SEC14L1: variants seen among roughly 807,000 people sequenced by gnomAD.
The protein encoded by SEC14L1 is SEC14 like lipid binding 1.
In SEC14L1, 48 loss-of-function variants were observed where a neutral mutation model predicts 85.3. The observed-to-expected ratio is 0.56, with a 90% confidence interval of 0.45 to 0.72. SEC14L1 has a LOEUF of 0.72. SEC14L1 is among the 30% of genes least tolerant of loss of function. SEC14L1 has a pLI of 0.00. For missense variants in SEC14L1, 682 were observed against 921.4 expected, an observed-to-expected ratio of 0.74 and a Z score of 3.36; for synonymous variants, 391 against 355.5, an observed-to-expected ratio of 1.10 and a Z score of -1.12.
intron 3 of SEC14L1, among the ~76,000 whole-genome samples, chr17:77,177,708 C>G (rs1412168027): frequency 6.6e-6 from 1 of 152,096 alleles, no homozygotes; most frequent in Admixed American, 6.5e-5. Flanking sequence ...CAAATGTAGA[C>G]ATGCTAGTGT....
rs371600242 is a variant in SEC14L1, at chr17:77,214,063, G to A, written c.*40G>A. The A allele has an allele frequency of 1.4e-4, 221 of 1,588,808 alleles. No homozygotes were observed. Among genetic ancestry groups the A allele is most frequent in the South Asian group, 3.9e-4 (34 of 88,274 alleles). On this transcript the variant is annotated 3_prime_UTR_variant, in exon 17 of 17. Coordinates refer to ENST00000436233, the MANE Select transcript of SEC14L1 (RefSeq NM_001143998.2). ...CACCTAGTGTGCAGAGGGGACGGCC[G>A]CCCCTCCTCGGACAGCCAGCTGCAC...
intron 3 of SEC14L1, among the ~76,000 whole-genome samples, chr17:77,117,184 C>G (rs1972189355): frequency 1.3e-5 from 2 of 152,036 alleles, no homozygotes; most frequent in African/African-American, 4.8e-5. Flanking sequence ...CCTGTCTCTA[C>G]TAAAAATACA....
At chr17:77,104,573 C>G (rs1167253215) in intron 3 of SEC14L1, among the ~76,000 whole-genome samples, 2 of 149,744 alleles carry the variant, frequency 1.3e-5, no homozygotes, top group Non-Finnish European at 3.0e-5. Context: ...GGGTGGATCA[C>G]GAGGTCAGGA....
Position 77,189,273 on chromosome 17 carries a change from C to G in SEC14L1, c.64-1530C>G, listed in dbSNP as rs536108797. Among the ~76,000 whole-genome samples the G allele has an allele frequency of 4.6e-5, 7 of 152,260 alleles. No homozygotes were observed. The South Asian group carries it at 1.5e-3, about 32-fold the overall frequency. On this transcript the variant is annotated intron_variant, in intron 3 of 16. Coordinates refer to ENST00000436233, the MANE Select transcript of SEC14L1 (RefSeq NM_001143998.2). ...AGAACAGAGAGCAGATGGGTGGTTT[C>G]AGAGTGACTTCCCTTGTAAAGGTTA... is the stretch of plus-strand genomic sequence containing the variant.
In SEC14L1 at chr17:77,106,481, G is replaced by A. The variant is rs143281055; in HGVS notation, c.-136+13134G>A. 9.2e-3 allele frequency among the ~76,000 whole-genome samples: 1,397 copies of A among 151,988 alleles called. 26 individuals are homozygous for A. Among genetic ancestry groups the A allele is most frequent in the African/African-American group, 0.032 (1,308 of 41,430 alleles). ...CGGGAGGCGGAGGTTGCAGTGAGCC[G>A]AGATCGTGTCACTGCACTCCAGCCT... is the stretch of plus-strand genomic sequence containing the variant. On this transcript the variant is annotated intron_variant, in intron 3 of 19. Transcript: ENST00000392476.
chr17:77,141,730 A>G (rs902164228), intron 1 of SEC14L1: 32 of 152,198 alleles, frequency 2.1e-4, no homozygotes, highest in African/African-American at 7.7e-4. Flanking sequence ...AAGTGAGTGT[A>G]GCCAGTTCTG....
At chr17:77,169,104 G>A (rs933790509) in intron 3 of SEC14L1, among the ~76,000 whole-genome samples, 1 of 143,186 alleles carries the variant, frequency 7.0e-6, no homozygotes. Flanking sequence ...TAGGGCTCAC[G>A]TGCCGCTCCA....
intron 3 of SEC14L1, among the ~76,000 whole-genome samples, chr17:77,114,277 C>T (rs898927955): frequency 6.6e-6 from 1 of 152,176 alleles, no homozygotes; most frequent in Admixed American, 6.5e-5. Context: ...GTAATCCCAG[C>T]ACTTTGGGAG....
At chr17:77,143,692 C>T (rs750266660) in intron 3 of SEC14L1, 33 bp downstream of exon 3, 13 of 1,470,992 alleles carry the variant, frequency 8.8e-6, no homozygotes, top group South Asian at 3.4e-5. Flanking sequence ...TACTCTTTGG[C>T]TTCTTATTTA....
Position 77,206,439 on chromosome 17 carries a change from T to G in SEC14L1, c.1341+39T>G. ...CTTTTTGCAGTAACTGTGAGCCATT[T>G]GGAAAGCAGATAACATGCATTCATA... On this transcript the variant is annotated intron_variant, in intron 12 of 16. Transcript: ENST00000436233. This position sits in a 1 kb window ranked among gnomAD's most constrained non-coding sequence, Gnocchi z 4.3. 1 of 1,596,888 alleles carries G rather than the reference T, an allele frequency of 6.3e-7. No homozygotes were observed. The highest frequency in any genetic ancestry group is 8.6e-7 in the Non-Finnish European group (1 of 1,167,642).
chr17:77,154,801 C>T (rs1007831851), intron 3 of SEC14L1, among the ~76,000 whole-genome samples: 2 of 152,178 alleles, frequency 1.3e-5, no homozygotes, highest in South Asian at 4.1e-4. Flanking sequence ...GTAGAATATC[C>T]GAGGTACTGA....
In SEC14L1 at chr17:77,118,169, G is replaced by A. The variant is rs372541391; in HGVS notation, c.-135-24477G>A. On this transcript the variant is annotated intron_variant, in intron 3 of 19. Transcript: ENST00000392476. ...GCTCAGAGCCATTAAGGGTGAGTGC[G>A]GCAGGCCGCACTGTGGAAGGGGCTG... Among the ~76,000 whole-genome samples, 128 of 152,364 alleles carry A rather than the reference G, an allele frequency of 8.4e-4. 1 individual carries two copies. The South Asian group carries it at 0.011, about 13-fold the overall frequency.
intron 3 of SEC14L1, among the ~76,000 whole-genome samples, chr17:77,111,396 G>GTTTTT (rs547141080): frequency 7.1e-6 from 1 of 140,768 alleles, no homozygotes; most frequent in African/African-American, 2.6e-5. Context: ...CTTTTGAAGT[G>GTTTTT]TTTTTTTTTT....
chr17:77,142,781 T>C (rs1306168194), intron 2 of SEC14L1, 31 bp downstream of exon 2: 1 of 152,238 alleles, frequency 6.6e-6, no homozygotes, highest in African/African-American at 2.4e-5. Flanking sequence ...TTTCTCACTT[T>C]AAATAGGGGA....
intron 2 of SEC14L1, chr17:77,089,471 CA>C (rs1971453407): frequency 1.9e-6 from 1 of 518,610 alleles, no homozygotes; most frequent in Admixed American, 1.9e-5. Flanking sequence ...GTTTGATGAT[CA>C]TGTATGATAC....
chr17:77,111,673 G>C (rs1019073301), intron 3 of SEC14L1, among the ~76,000 whole-genome samples: 2 of 152,210 alleles, frequency 1.3e-5, no homozygotes, highest in Non-Finnish European at 2.9e-5. Context: ...CATGGGGCCT[G>C]TAGCCCCTTT....
intron 3 of SEC14L1, among the ~76,000 whole-genome samples, chr17:77,129,592 CTTCTCT>C (rs1404019056): frequency 6.6e-6 from 1 of 152,142 alleles, no homozygotes; most frequent in African/African-American, 2.4e-5. Flanking sequence ...TCTGAATGAT[CTTCTCT>C]TTCACCCACA....
chr17:77,146,466 T>C (rs1973312578), intron 3 of SEC14L1, among the ~76,000 whole-genome samples: 1 of 152,222 alleles, frequency 6.6e-6, no homozygotes, highest in Admixed American at 6.5e-5. Context: ...ACGTTTACCT[T>C]GCCAGTTCAT....
In SEC14L1 at chr17:77,091,813, A is replaced by G. The variant is rs113372019; in HGVS notation, c.-239-1431A>G. 2.6e-3 allele frequency among the ~76,000 whole-genome samples: 391 copies of G among 151,728 alleles called. 1 individual carries two copies. Among genetic ancestry groups the G allele is most frequent in the African/African-American group, 8.9e-3 (369 of 41,420 alleles). Reference sequence around the variant, plus strand: ...CAACAGAGACAATAACAGTTTATGAAATTTTTTTTTTTTTTTTGAGAAGGA... The same window carrying G: ...CAACAGAGACAATAACAGTTTATGAGATTTTTTTTTTTTTTTTGAGAAGGA... On this transcript the variant is annotated intron_variant, in intron 2 of 19. Coordinates refer to the SEC14L1 transcript ENST00000392476.
Sources: allele counts gnomAD v4.1 joint callset (sites outside exome capture counted in the v4.1 genomes callset), GRCh38; gene constraint gnomAD v4.1.1; non-coding constraint Gnocchi (gnomAD v3.1); transcripts MANE v1.5; gene names NCBI Gene and HGNC (gene_info 2026-07-23, HGNC 2026-07-21).